The following CCDC191 variants were observed in gnomAD, a reference collection of about 807,000 sequenced individuals.
CCDC191 encodes coiled-coil domain-containing protein 191.
CCDC191 carries 99 observed loss-of-function variants against 114.0 expected under a neutral mutation model. The observed-to-expected ratio is 0.87, with a 90% confidence interval of 0.74 to 1.03. The LOEUF (loss-of-function observed/expected upper bound fraction) is 1.03. Among genes scored for constraint, CCDC191 ranks in the 50% least tolerant of loss-of-function variants. The pLI is 0.00. For missense variants in CCDC191, 973 were observed against 1,087.0 expected, an observed-to-expected ratio of 0.90 and a Z score of 1.47; for synonymous variants, 351 against 376.0, an observed-to-expected ratio of 0.93 and a Z score of 0.77.
intron 16 of CCDC191, among the ~76,000 whole-genome samples, chr3:113,974,937 AT>A (rs1941183374): frequency 2.0e-5 from 3 of 151,994 alleles, no homozygotes; most frequent in Non-Finnish European, 4.4e-5. Flanking sequence ...GTTATTAGGT[AT>A]TTTTTTATGC....
intron 9 of CCDC191, among the ~76,000 whole-genome samples, chr3:114,006,205 T>G (rs551892642): frequency 2.6e-5 from 4 of 151,922 alleles, no homozygotes; most frequent in Non-Finnish European, 5.9e-5. Flanking sequence ...TCCCAGCACG[T>G]TGGGAGGCCG....
At chr3:114,010,310 C>A (rs1017403985) in intron 9 of CCDC191, among the ~76,000 whole-genome samples, 2 of 152,098 alleles carry the variant, frequency 1.3e-5, no homozygotes, top group African/African-American at 4.8e-5. Context: ...TAGTGATTAT[C>A]TATAGATGAC....
intron 16 of CCDC191, among the ~76,000 whole-genome samples, chr3:113,971,708 CCCT>C (rs1407954269): frequency 6.6e-6 from 1 of 151,878 alleles, no homozygotes; most frequent in Non-Finnish European, 1.5e-5. Flanking sequence ...TGGAAGTATT[CCCT>C]CCTCTTCAGT....
intron 7 of CCDC191, among the ~76,000 whole-genome samples, chr3:114,026,406 C>A (rs539249491): frequency 6.5e-4 from 99 of 152,344 alleles, no homozygotes; most frequent in Non-Finnish European, 8.5e-4. Context: ...TTGCCCTTGG[C>A]AATAAACCTA....
intron 11 of CCDC191, chr3:114,002,781 AC>A: frequency 4.3e-6 from 4 of 928,452 alleles, no homozygotes; most frequent in South Asian, 5.0e-5. Flanking sequence ...TATTTTGTTT[AC>A]ATTTTTATTA....
chr3:114,022,491 A>C (rs566858296), intron 7 of CCDC191, among the ~76,000 whole-genome samples: 2 of 152,326 alleles, frequency 1.3e-5, no homozygotes, highest in African/African-American at 2.4e-5. Flanking sequence ...TGAATTGTTA[A>C]GAGGACAAAA....
intron 13 of CCDC191, among the ~76,000 whole-genome samples, chr3:113,985,792 A>C (rs1339371240): frequency 6.6e-6 from 1 of 152,212 alleles, no homozygotes; most frequent in East Asian, 1.9e-4. Flanking sequence ...AACCTCAACA[A>C]TGGTGACCAC....
intron 2 of CCDC191, among the ~76,000 whole-genome samples, chr3:114,048,137 CTCTT>C (rs1422025069): frequency 6.6e-6 from 1 of 152,170 alleles, no homozygotes; most frequent in African/African-American, 2.4e-5. Flanking sequence ...ATCTATCTCT[CTCTT>C]TCTCACCCCA....
chr3:114,032,992 G>C (rs1459247379), intron 6 of CCDC191, among the ~76,000 whole-genome samples: 1 of 151,816 alleles, frequency 6.6e-6, no homozygotes, highest in East Asian at 1.9e-4. Context: ...CCATGAAACT[G>C]ATTTTTTAAA....
In CCDC191 at chr3:114,005,924, C is replaced by A. The variant is rs768725383; in HGVS notation, c.1452G>T (p.Leu484Phe). The A allele has an allele frequency of 5.0e-6, 8 of 1,613,916 alleles. No homozygotes were observed. The highest frequency in any genetic ancestry group is 6.8e-6 in the Non-Finnish European group (8 of 1,179,964). Reference protein sequence around the residue: ...AVPPLWEKPPLGSSGCMLSPP... With the variant: ...AVPPLWEKPPFGSSGCMLSPP... Reference sequence around the variant, plus strand: ...GACTGAGCATACAACCACTGCTTCCCAAGGGAGGCTTTTCCCACAAAGGGG... The same window carrying A: ...GACTGAGCATACAACCACTGCTTCCAAAGGGAGGCTTTTCCCACAAAGGGG... The change falls in exon 10 of 17, where the codon TTG (leucine) becomes TTT (phenylalanine). Residue 484 changes from leucine to phenylalanine, a missense_variant. Physicochemically the swap from Leu to Phe is conservative, Grantham distance 22. Transcript: ENST00000295878.
chr3:114,053,824 G>A (rs1001984355), intron 1 of CCDC191, among the ~76,000 whole-genome samples, 189 bp from the exon 2 acceptor site: 2 of 152,272 alleles, frequency 1.3e-5, no homozygotes, highest in East Asian at 1.9e-4. Context: ...AAAACATGAA[G>A]CCTTCCTGGG....
In CCDC191 at chr3:113,986,871, A is replaced by AAG. The variant is rs1321851157; in HGVS notation, c.2164-6080_2164-6079dup. Among the ~76,000 whole-genome samples, 3 of 152,302 alleles carry AAG rather than the reference A, an allele frequency of 2.0e-5. No individual in the cohort carries two copies. The East Asian group carries it at 5.8e-4, about 29-fold the overall frequency. On this transcript the variant is annotated intron_variant, in intron 13 of 16. Transcript: ENST00000295878. ...AAAGACTGTATGAGGACACAGTGAG[A>AAG]AGAAGCTGTCTGCAAGCCAAGAAGA...
chr3:113,976,732 T>C (rs1941385211), intron 16 of CCDC191, among the ~76,000 whole-genome samples: 1 of 151,984 alleles, frequency 6.6e-6, no homozygotes, highest in South Asian at 2.1e-4. Flanking sequence ...CAGCAATCCA[T>C]AAGATAGATA....
At chr3:113,998,306 C>T (rs1321704545) in intron 13 of CCDC191, among the ~76,000 whole-genome samples, 1 of 82,626 alleles carries the variant, frequency 1.2e-5, no homozygotes, top group Non-Finnish European at 2.4e-5. Flanking sequence ...AACTCTGCTT[C>T]AAAAAAAAAA....
intron 1 of CCDC191, among the ~76,000 whole-genome samples, chr3:114,054,962 G>A (rs1395658310): frequency 6.6e-6 from 1 of 151,736 alleles, no homozygotes; most frequent in East Asian, 1.9e-4. Flanking sequence ...TTGGTTTGGC[G>A]TTCCCAGTTC....
intron 16 of CCDC191, among the ~76,000 whole-genome samples, chr3:113,973,814 G>GT: frequency 6.6e-6 from 1 of 151,882 alleles, no homozygotes; most frequent in East Asian, 1.9e-4. Context: ...CCTATACGTG[G>GT]ATATGTCTTT....
intron 13 of CCDC191, among the ~76,000 whole-genome samples, chr3:113,988,941 C>T (rs997337612): frequency 6.6e-6 from 1 of 151,886 alleles, no homozygotes. Context: ...CTACAGGTGC[C>T]CACCACCACA....
intron 11 of CCDC191, chr3:114,004,295 T>C: frequency 2.0e-6 from 2 of 997,774 alleles, no homozygotes. Flanking sequence ...TATCAGTGTT[T>C]GTCCTTGGCA....
Position 114,002,367 on chromosome 3 carries a change from G to A in CCDC191, c.2061+89C>T, listed in dbSNP as rs7433345. 104 of 891,008 alleles carry A rather than the reference G, an allele frequency of 1.2e-4. No homozygotes were observed. In the East Asian group the frequency reaches 2.2e-3, roughly 19 times the overall value. The allele number at this position is 891,008 out of a possible 1,614,324, so 55.2% of individuals were successfully genotyped here. On this transcript the variant is annotated intron_variant, in intron 12 of 16. Coordinates refer to ENST00000295878, the MANE Select transcript of CCDC191 (RefSeq NM_020817.2). ...AAGTTGATGTAACTCTATTGTCTCA[G>A]GAGTTCTGAAAAAGCAAGGTTTCAT...
Sources: gnomAD v4.1 joint callset for allele counts (sites outside exome capture counted in the v4.1 genomes callset) on GRCh38, gnomAD v4.1.1 for gene constraint, MANE v1.5 for transcripts, NCBI Gene and HGNC (gene_info 2026-07-23, HGNC 2026-07-21) for gene names.